Variants in EXOC4 observed in about 807,000 individuals in gnomAD.
EXOC4 encodes SEC8-like 1.
Under a neutral mutation model 107.2 loss-of-function variants are expected in EXOC4, and 71 were observed. The ratio of observed to expected loss-of-function variants is 0.66; its 90% CI spans 0.55 to 0.81. The LOEUF is 0.81. EXOC4 is among the 30% of genes least tolerant of loss of function. The pLI is 0.00. For synonymous variants in EXOC4, 456 were observed against 441.2 expected, an observed-to-expected ratio of 1.03 and a Z score of -0.42; for missense variants, 1,108 against 1,189.6, an observed-to-expected ratio of 0.93 and a Z score of 1.01.
At chr7:134,003,896 T>C (rs1794583198) in intron 15 of EXOC4, among the ~76,000 whole-genome samples, 1 of 152,108 alleles carries the variant, frequency 6.6e-6, no homozygotes, top group Non-Finnish European at 1.5e-5. Context: ...GCTACTAATA[T>C]CTGCCAAAAA....
At chr7:134,002,906 A>AT (rs58718139) in intron 15 of EXOC4, among the ~76,000 whole-genome samples, 152,265 of 152,268 alleles carry the variant, frequency 1, 76,131 homozygotes, top group Non-Finnish European at 1. Context: ...TTGGAAAGCA[A>AT]TTGGTAATTT....
At chr7:133,322,934 C>G (rs187016152) in intron 5 of EXOC4, among the ~76,000 whole-genome samples, 2 of 152,250 alleles carry the variant, frequency 1.3e-5, no homozygotes, top group East Asian at 3.9e-4. Flanking sequence ...CCTTCACATC[C>G]TTTGTAAGTT....
intron 9 of EXOC4, among the ~76,000 whole-genome samples, chr7:133,515,069 A>T (rs1351874510): frequency 6.6e-6 from 1 of 152,106 alleles, no homozygotes; most frequent in East Asian, 1.9e-4. Flanking sequence ...ACTTTTTTGT[A>T]TACATCTCTA....
chr7:133,660,345 T>C (rs1332517556), intron 10 of EXOC4, among the ~76,000 whole-genome samples: 1 of 152,080 alleles, frequency 6.6e-6, no homozygotes, highest in African/African-American at 2.4e-5. Flanking sequence ...AACCGTGAAC[T>C]AGAGTAAGGG....
At chr7:133,436,048 GT>G (rs5887624) in intron 7 of EXOC4, among the ~76,000 whole-genome samples, 162 of 142,752 alleles carry the variant, frequency 1.1e-3, no homozygotes, top group African/African-American at 3.4e-3. Context: ...TTATCTCAGT[GT>G]TTTTTTTTTT....
chr7:133,327,017 A>G (rs1453971820), intron 5 of EXOC4, among the ~76,000 whole-genome samples: 1 of 152,186 alleles, frequency 6.6e-6, no homozygotes, highest in South Asian at 2.1e-4. Flanking sequence ...CAGGCGTGGG[A>G]TATAATCTCC....
intron 14 of EXOC4, among the ~76,000 whole-genome samples, chr7:133,982,275 G>A (rs1027731218): frequency 6.6e-6 from 1 of 152,186 alleles, no homozygotes; most frequent in Admixed American, 6.5e-5. Flanking sequence ...GATACGGGCC[G>A]GGTGTGGTGG....
At chr7:133,514,578 A>AT (rs1444399748) in intron 9 of EXOC4, among the ~76,000 whole-genome samples, 1 of 152,224 alleles carries the variant, frequency 6.6e-6, no homozygotes, top group African/African-American at 2.4e-5. Context: ...TTTGAGCAGC[A>AT]TTAGATAACC....
intron 10 of EXOC4, among the ~76,000 whole-genome samples, chr7:133,705,789 T>C (rs937457811): frequency 1.3e-5 from 2 of 152,194 alleles, no homozygotes; most frequent in Admixed American, 6.5e-5. Context: ...ATTCATATCC[T>C]GGATGAGACA....
intron 4 of EXOC4, chr7:133,314,918 G>T (rs957027743): frequency 1.3e-5 from 2 of 152,068 alleles, no homozygotes; most frequent in African/African-American, 4.8e-5. Context: ...ATAAACCTGT[G>T]TCTTTTTTTA....
At chr7:134,063,714 A>T (rs1440094556) in intron 17 of EXOC4, among the ~76,000 whole-genome samples, 1 of 152,204 alleles carries the variant, frequency 6.6e-6, no homozygotes, top group Admixed American at 6.5e-5. Flanking sequence ...TAATTTTATT[A>T]CATTACTGTC....
At chr7:133,811,912 C>T (rs1289825686) in intron 10 of EXOC4, among the ~76,000 whole-genome samples, 6 of 152,166 alleles carry the variant, frequency 3.9e-5, no homozygotes, top group Non-Finnish European at 5.9e-5. Context: ...ATTATTTTAT[C>T]CAATATTTTA....
rs1220415968 is a variant in EXOC4, at chr7:133,597,494, CG to C, written c.1418-32549del. Among the ~76,000 whole-genome samples, 3 of 134,210 alleles carry C rather than the reference CG, an allele frequency of 2.2e-5. No individual in the cohort carries two copies. The Admixed American group carries it at 2.6e-4, about 11-fold the overall frequency. The allele number at this position is 134,210 out of a possible 152,430, so 88.0% of individuals were successfully genotyped here. A position where few individuals can be genotyped will look rare whatever the true frequency, so the allele number is the denominator to read the frequency against. ...GCTTGAACCCAGGAGGCGGAGATTG[CG>C]GTGAGCTGAGATCGCACCATTGCAC... On this transcript the variant is annotated intron_variant, in intron 9 of 17. Transcript: ENST00000253861.
At chr7:133,605,331 A>G (rs1245515643) in intron 9 of EXOC4, among the ~76,000 whole-genome samples, 1 of 152,126 alleles carries the variant, frequency 6.6e-6, no homozygotes, top group Non-Finnish European at 1.5e-5. Context: ...AGAATTGTAC[A>G]ATTATCACTA....
intron 10 of EXOC4, among the ~76,000 whole-genome samples, chr7:133,774,871 C>T (rs986866917): frequency 6.6e-6 from 1 of 152,066 alleles, no homozygotes; most frequent in African/African-American, 2.4e-5. Context: ...CCTAAAGACT[C>T]TTAATCCTCC....
chr7:133,542,177 G>GTGTT (rs1432878109), intron 9 of EXOC4, among the ~76,000 whole-genome samples: 1 of 151,338 alleles, frequency 6.6e-6, no homozygotes, highest in African/African-American at 2.4e-5. Flanking sequence ...TCTTGTGTGT[G>GTGTT]TGTGTGTGTG....
At chr7:133,928,863 C>A (rs201879945) in intron 13 of EXOC4, among the ~76,000 whole-genome samples, 1 of 142,670 alleles carries the variant, frequency 7.0e-6, no homozygotes, top group East Asian at 2.3e-4. Flanking sequence ...GTAGCCGTTT[C>A]AACAGATTCT....
chr7:133,823,884 A>AAAT (rs1193517366), intron 11 of EXOC4, among the ~76,000 whole-genome samples: 1 of 21,668 alleles, frequency 4.6e-5, no homozygotes, highest in African/African-American at 6.8e-4. Flanking sequence ...ATATATATAT[A>AAAT]TATATATATT....
chr7:133,573,999 A>G (rs888758607), intron 9 of EXOC4, among the ~76,000 whole-genome samples: 3 of 152,184 alleles, frequency 2.0e-5, no homozygotes, highest in African/African-American at 7.2e-5. Context: ...TCCAGTTATT[A>G]TTTAGTATAT....
Sources: allele counts gnomAD v4.1 joint callset (sites outside exome capture counted in the v4.1 genomes callset), GRCh38; gene constraint gnomAD v4.1.1; transcripts MANE v1.5; gene names NCBI Gene and HGNC (gene_info 2026-07-23, HGNC 2026-07-21).